Variants in PTCD1 observed in about 807,000 individuals in gnomAD.
PTCD1 encodes the protein pentatricopeptide repeat-containing protein 1, mitochondrial.
Under a neutral mutation model 53.4 loss-of-function variants are expected in PTCD1, and 50 were observed. The observed-to-expected ratio is 0.94, with a 90% CI of 0.75 to 1.19. PTCD1 has a LOEUF of 1.19. PTCD1 is among the 50% of genes most tolerant of loss of function. The pLI, the probability that PTCD1 is intolerant of heterozygous loss-of-function variation, is 0.00. For synonymous variants in PTCD1, 413 were observed against 394.8 expected, an observed-to-expected ratio of 1.05 and a Z score of -0.55; for missense variants, 918 against 904.8, an observed-to-expected ratio of 1.01 and a Z score of -0.19.
chr7:99,435,234 G>A lies in PTCD1; in HGVS notation c.9C>T (p.Phe3=), dbSNP rs564654476. The change falls in exon 2 of 8, where the codon TTC becomes TTT. Residue 3 remains phenylalanine (F), a synonymous_variant. Transcript: ENST00000292478. MD[F]VRLARLFARA... ...TGGCGAACAGTCGAGCGAGTCTCAC[G>A]AAGTCCATTTCTGGCTTTCCTGTCC... 14 of 1,602,084 alleles carry A rather than the reference G, an allele frequency of 8.7e-6. No individual in the cohort carries two copies. Among genetic ancestry groups the A allele is most frequent in the African/African-American group, 5.3e-5 (4 of 75,052 alleles).
Position 99,425,182 on chromosome 7 carries a change from A to G in PTCD1, c.1350T>C (p.Pro450=), listed in dbSNP as rs1795968778. Reference sequence around the variant, plus strand: ...TCACCGTTCCAAAGGAGACCACTGTAGGGGGAACGGCCCCGGGGGTCAGGA... The same window carrying G: ...TCACCGTTCCAAAGGAGACCACTGTGGGGGGAACGGCCCCGGGGGTCAGGA... ...VNLLTPGAVP[P]TVVSFGTVTT... Residue 450 remains proline (P), a synonymous_variant, in exon 6 of 8, where the codon CCT becomes CCC. Transcript: ENST00000292478. 3 of 1,613,286 alleles carry G rather than the reference A, an allele frequency of 1.9e-6. No individual in the cohort carries two copies. Among genetic ancestry groups the G allele is most frequent in the African/African-American group, 2.7e-5 (2 of 74,892 alleles).
At position 99,420,164 on chromosome 7, in the gene PTCD1, G is replaced by GT. The variant is rs1378355225; in HGVS notation, c.1921-16dup. On this transcript the variant is annotated splice_polypyrimidine_tract_variant and intron_variant, in intron 7 of 7. Coordinates refer to ENST00000292478, the MANE Select transcript of PTCD1 (RefSeq NM_015545.4). ...TTCCCTTGGTACTAGAATTAGAAAA[G>GT]TGAGGCTAGAATCACTCCTGTTACC... is the stretch of plus-strand genomic sequence containing the variant. 7 of 1,613,908 alleles carry GT rather than the reference G, an allele frequency of 4.3e-6. No homozygotes were observed. The highest frequency in any genetic ancestry group is 5.9e-6 in the Non-Finnish European group (7 of 1,180,036).
At position 99,425,557 on chromosome 7, in the gene PTCD1, C is replaced by T. The variant is rs149868079; in HGVS notation, c.975G>A (p.Leu325=). The stretch of plus-strand genomic sequence containing the variant: ...GGCCACAGTCCCGAGCTGCCACCAA[C>T]AGCAGGTTGTAGCTGTCCCGGCTCG... The part of the protein sequence containing the change: ...LQPSRDSYNL[L]LVAARDCGLG... Residue 325 remains leucine (L), a synonymous_variant, in exon 6 of 8, where the codon CTG becomes CTA. Transcript: ENST00000292478. 24 of 1,612,644 alleles carry T rather than the reference C, an allele frequency of 1.5e-5. No homozygotes were observed. The highest frequency in any genetic ancestry group is 2.0e-5 in the Non-Finnish European group (24 of 1,179,998).
intron 1 of PTCD1, among the ~76,000 whole-genome samples, chr7:99,438,001 C>T (rs973163169): frequency 6.6e-6 from 1 of 152,184 alleles, no homozygotes; most frequent in Non-Finnish European, 1.5e-5. Flanking sequence ...CATTTACACT[C>T]ACCCTCACAG....
chr7:99,428,431 TAAAAAG>T (rs1440961082), intron 5 of PTCD1, among the ~76,000 whole-genome samples: 1 of 145,494 alleles, frequency 6.9e-6, no homozygotes, highest in Non-Finnish European at 1.5e-5. Flanking sequence ...TTAAAAACAT[TAAAAAG>T]AAAAAGAAAA....
intron 1 of PTCD1, among the ~76,000 whole-genome samples, chr7:99,436,503 T>C (rs1796471274): frequency 6.6e-6 from 1 of 152,084 alleles, no homozygotes; most frequent in Non-Finnish European, 1.5e-5. Context: ...TAATCCCAGC[T>C]ACTTGGGAGG....
chr7:99,432,270 G>A (rs756569124), intron 3 of PTCD1, among the ~76,000 whole-genome samples: 1 of 151,736 alleles, frequency 6.6e-6, no homozygotes, highest in Non-Finnish European at 1.5e-5. Flanking sequence ...TCTCCTGCTC[G>A]TCCCTGGGAA....
chr7:99,432,644 G>A (rs956583565), intron 3 of PTCD1, among the ~76,000 whole-genome samples: 6 of 152,236 alleles, frequency 3.9e-5, no homozygotes, highest in African/African-American at 1.4e-4. Context: ...AGCGTATGCT[G>A]AGCACCGGTC....
chr7:99,433,371 CT>C lies in PTCD1; in HGVS notation c.500del (p.Glu167GlyfsTer13). On this transcript the variant is annotated frameshift_variant, in exon 3 of 8. Transcript: ENST00000292478. LOFTEE classifies it high-confidence loss of function. ...AGTTGCTCTCCATGGGCTGCAATCG[CT>C]CCTCCTTCAGCATCTGCCTCTCAAA... ...DLFERQMLKE[E>X]RLQPMESNYT... 4 of 1,614,192 alleles carry C rather than the reference CT, an allele frequency of 2.5e-6. No homozygotes were observed. Among genetic ancestry groups the C allele is most frequent in the Non-Finnish European group, 3.4e-6 (4 of 1,180,050 alleles).
intron 1 of PTCD1, among the ~76,000 whole-genome samples, chr7:99,436,713 G>A (rs529455424): frequency 6.6e-6 from 1 of 152,330 alleles, no homozygotes; most frequent in African/African-American, 2.4e-5. Context: ...TGGCCAGCTT[G>A]GGCTGGGCTG....
In PTCD1 at chr7:99,425,220, G is replaced by T. The variant is rs563070228; in HGVS notation, c.1312C>A (p.Leu438Met). 6.2e-7 allele frequency: 1 copy of T among 1,612,140 alleles called. No individual in the cohort carries two copies. The highest frequency in any genetic ancestry group is 2.2e-5 in the East Asian group (1 of 44,804). ...CCGGGGGTCAGGAGGTTGACTTCCAGCTCCACGGGAGGTGGCTTCAGGGCC... is the reference window on the plus strand; with the variant it reads ...CCGGGGGTCAGGAGGTTGACTTCCATCTCCACGGGAGGTGGCTTCAGGGCC... Reference protein sequence around the residue: ...AVALKPPPVELEVNLLTPGAV... With the variant: ...AVALKPPPVEMEVNLLTPGAV... The change falls in exon 6 of 8, where the codon CTG becomes ATG. Residue 438 changes from leucine (L) to methionine (M), a missense_variant. Transcript: ENST00000292478.
Position 99,424,022 on chromosome 7 carries a change from C to T in PTCD1, c.1738-65G>A, listed in dbSNP as rs1193017188. The T allele has an allele frequency of 3.2e-6, 5 of 1,580,624 alleles. No individual in the cohort carries two copies. The African/African-American group carries it at 4.1e-5, about 13-fold the overall frequency. ...CCATTGGGACCCAGCAGCTCCCACC[C>T]TCTGTCAATCAAGCTGGCTCCCGGG... On this transcript the variant is annotated intron_variant, in intron 6 of 7. Coordinates refer to ENST00000292478, the MANE Select transcript of PTCD1 (RefSeq NM_015545.4).
chr7:99,432,532 T>C (rs1796299484), intron 3 of PTCD1, among the ~76,000 whole-genome samples: 1 of 152,064 alleles, frequency 6.6e-6, no homozygotes, highest in African/African-American at 2.4e-5. Context: ...CTCTCCGAGA[T>C]GGTAGAGATA....
chr7:99,421,726 G>T (rs777742644), intron 7 of PTCD1, among the ~76,000 whole-genome samples: 1 of 152,122 alleles, frequency 6.6e-6, no homozygotes. Context: ...CTGCACTCCA[G>T]CCTGGGTGAC....
At position 99,419,125 on chromosome 7, in the gene PTCD1, C is replaced by T. The variant is rs1419315717; in HGVS notation, c.*842G>A. On this transcript the variant is annotated 3_prime_UTR_variant, in exon 8 of 8. Coordinates refer to ENST00000292478, the MANE Select transcript of PTCD1 (RefSeq NM_015545.4). ...TAACGAGACTCATTCACACCGATTT[C>T]TTTTTCTTGATTGGCAAACGTGTGT... The T allele has an allele frequency of 3.7e-6, 2 of 534,634 alleles. No homozygotes were observed. The highest frequency in any genetic ancestry group is 2.1e-5 in the South Asian group (1 of 47,044). 33.1% of individuals were successfully genotyped at this position (534,634 alleles called of 1,614,324 possible).
chr7:99,425,540 TCCCG>T lies in PTCD1; in HGVS notation c.988_991del (p.Arg330ThrfsTer4), dbSNP rs1003709643. 8.7e-6 allele frequency: 14 copies of T among 1,612,660 alleles called. No individual in the cohort carries two copies. The highest frequency in any genetic ancestry group is 1.1e-5 in the Non-Finnish European group (13 of 1,179,960). On this transcript the variant is annotated frameshift_variant, in exon 6 of 8. Transcript: ENST00000292478. LOFTEE classifies it high-confidence loss of function. Reference sequence around the variant, plus strand: ...CACCTGGGGGTCCCCTAGGCCACAGTCCCGAGCTGCCACCAACAGCAGGTTGTAG... The same window carrying T: ...CACCTGGGGGTCCCCTAGGCCACAGTAGCTGCCACCAACAGCAGGTTGTAG...
intron 7 of PTCD1, among the ~76,000 whole-genome samples, chr7:99,420,936 G>A (rs1429165200): frequency 6.6e-6 from 1 of 150,746 alleles, no homozygotes; most frequent in African/African-American, 2.4e-5. Context: ...GACAGAGCAA[G>A]ACTCCATCTC....
intron 1 of PTCD1, among the ~76,000 whole-genome samples, chr7:99,436,732 C>T (rs1796481048): frequency 6.6e-6 from 1 of 152,212 alleles, no homozygotes; most frequent in Non-Finnish European, 1.5e-5. Context: ...TGGCTTTGAA[C>T]TCAGGTCCAT....
intron 2 of PTCD1, among the ~76,000 whole-genome samples, chr7:99,434,455 A>G (rs1411269745): frequency 6.6e-6 from 1 of 151,828 alleles, no homozygotes; most frequent in African/African-American, 2.4e-5. Flanking sequence ...TTATAAAAAA[A>G]ACCTAAAGCA....
Sources: gnomAD v4.1 joint callset for allele counts (sites outside exome capture counted in the v4.1 genomes callset) on GRCh38, gnomAD v4.1.1 for gene constraint, MANE v1.5 for transcripts, NCBI Gene and HGNC (gene_info 2026-07-23, HGNC 2026-07-21) for gene names.